The following ANKRD30B variants were observed in gnomAD, a reference collection of about 807,000 sequenced individuals.
The protein encoded by ANKRD30B is ankyrin repeat domain 30B, also known as ankyrin repeat domain-containing protein 30B.
A neutral mutation model predicts 202.2 loss-of-function variants in ANKRD30B; 144 were observed. The ratio of observed to expected loss-of-function variants is 0.71; its 90% CI spans 0.62 to 0.82. The LOEUF is 0.82. Among genes scored for constraint, ANKRD30B ranks in the 40% least tolerant of loss-of-function variants. The pLI, the probability that ANKRD30B is intolerant of heterozygous loss-of-function variation, is 0.00. For missense variants in ANKRD30B, 1,487 were observed against 1,669.1 expected (o/e 0.89, Z 1.90); for synonymous variants, 508 against 561.3 (o/e 0.91, Z 1.34).
chr18:14,820,985 T>C (rs1173838774), intron 30 of ANKRD30B, among the ~76,000 whole-genome samples: 3 of 152,188 alleles, frequency 2.0e-5, no homozygotes, highest in Non-Finnish European at 4.4e-5. Context: ...TGTGAATCCA[T>C]CTGGTCCTGG....
the ANKRD30B span, among the ~76,000 whole-genome samples, chr18:14,883,116 C>T: frequency 1.3e-5 from 2 of 152,020 alleles, no homozygotes; most frequent in Non-Finnish European, 2.9e-5. Context: ...TAAGCCCTTT[C>T]AAGGTGTTTA....
the ANKRD30B span, among the ~76,000 whole-genome samples, chr18:14,881,520 C>T: frequency 6.6e-6 from 1 of 152,094 alleles, no homozygotes; most frequent in East Asian, 1.9e-4. Context: ...CTGTGTTCAT[C>T]AAGGATATTG....
chr18:14,755,475 TG>T (rs1406572208), intron 4 of ANKRD30B, among the ~76,000 whole-genome samples: 1 of 152,128 alleles, frequency 6.6e-6, no homozygotes, highest in African/African-American at 2.4e-5. Context: ...TGTATACGTG[TG>T]CCATGTTGGT....
At chr18:14,840,166 T>G (rs1165386537) in intron 36 of ANKRD30B, among the ~76,000 whole-genome samples, 2 of 152,204 alleles carry the variant, frequency 1.3e-5, no homozygotes, top group Non-Finnish European at 2.9e-5. Flanking sequence ...TCTAATTGCC[T>G]TTAAAGTTAA....
the ANKRD30B span, among the ~76,000 whole-genome samples, chr18:14,885,897 C>A: frequency 6.6e-6 from 1 of 151,618 alleles, no homozygotes; most frequent in Non-Finnish European, 1.5e-5. Flanking sequence ...TTTTTCCTTT[C>A]TAATTGTTAG....
chr18:14,843,504 G>A lies in ANKRD30B; in HGVS notation c.3181+408G>A, dbSNP rs532049651. ...ACATTGGTTACCTCATGGGACTGTA[G>A]TCATTTGAAGCATCCTAAGGAAATC... On this transcript the variant is annotated intron_variant, in intron 39 of 43. Coordinates refer to ENST00000690538, the MANE Select transcript of ANKRD30B (RefSeq NM_001367607.2). 7.6e-4 allele frequency among the ~76,000 whole-genome samples: 114 copies of A among 150,684 alleles called. 1 individual carries two copies. The highest frequency in any genetic ancestry group is 2.6e-3 in the African/African-American group (108 of 41,066).
chr18:14,749,839 TTA>T (rs1255186322), intron 1 of ANKRD30B, among the ~76,000 whole-genome samples: 13 of 152,010 alleles, frequency 8.6e-5, no homozygotes, highest in Non-Finnish European at 1.5e-4. Flanking sequence ...TGGAAAAGAA[TTA>T]GTTTCATAAT....
chr18:14,855,273 C>A (rs986536556), downstream of ANKRD30B, among the ~76,000 whole-genome samples: 2 of 152,212 alleles, frequency 1.3e-5, no homozygotes, highest in Admixed American at 1.3e-4. Flanking sequence ...TCTCTTAGTA[C>A]AGAAGAAAAT....
intron 6 of ANKRD30B, among the ~76,000 whole-genome samples, chr18:14,761,782 G>C (rs1915300493): frequency 6.6e-6 from 1 of 152,046 alleles, no homozygotes; most frequent in African/African-American, 2.4e-5. Flanking sequence ...GAACTTCTGG[G>C]CTTTATTTAA....
At chr18:14,815,451 G>A (rs566396572) in intron 30 of ANKRD30B, among the ~76,000 whole-genome samples, 227 of 152,266 alleles carry the variant, frequency 1.5e-3, no homozygotes, top group African/African-American at 5.2e-3. Context: ...GTGGTCCTTG[G>A]ACCTCAGACT....
the ANKRD30B span, among the ~76,000 whole-genome samples, chr18:14,911,567 C>T: frequency 6.6e-6 from 1 of 151,760 alleles, no homozygotes; most frequent in African/African-American, 2.4e-5. Context: ...GTGATGCCTC[C>T]TCCTTTGTTC....
downstream of ANKRD30B, among the ~76,000 whole-genome samples, chr18:14,858,195 CG>C (rs1158570725): frequency 0.011 from 556 of 50,276 alleles, no homozygotes; most frequent in Admixed American, 0.016. Context: ...CCAGATGGGG[CG>C]GCCGGGCAGA....
At chr18:14,912,727 G>T in the ANKRD30B span, among the ~76,000 whole-genome samples, 1 of 152,192 alleles carries the variant, frequency 6.6e-6, no homozygotes, top group Non-Finnish European at 1.5e-5. Flanking sequence ...TAATTAAGCT[G>T]TGAGCCCATC....
the ANKRD30B span, among the ~76,000 whole-genome samples, chr18:14,934,641 C>A: frequency 6.6e-6 from 1 of 152,114 alleles, no homozygotes; most frequent in Admixed American, 6.5e-5. Flanking sequence ...GGTATCCATG[C>A]CAGGCTAGGG....
intron 9 of ANKRD30B, among the ~76,000 whole-genome samples, chr18:14,773,271 G>T (rs1967129809): frequency 1.3e-5 from 2 of 151,922 alleles, no homozygotes; most frequent in Admixed American, 1.3e-4. Context: ...AATCATTTTG[G>T]AGCTCTTGCA....
downstream of ANKRD30B, among the ~76,000 whole-genome samples, chr18:14,855,781 T>A (rs533628596): frequency 2.7e-3 from 317 of 117,326 alleles, no homozygotes; most frequent in African/African-American, 1.0e-2. Context: ...TCCCAGACAA[T>A]GGGCAGCCAG....
chr18:14,783,560 G>T (rs1416943998), intron 12 of ANKRD30B, among the ~76,000 whole-genome samples: 1 of 152,036 alleles, frequency 6.6e-6, no homozygotes, highest in Non-Finnish European at 1.5e-5. Context: ...CAGACAAATT[G>T]TAGGAACTAA....
the ANKRD30B span, among the ~76,000 whole-genome samples, chr18:14,908,542 C>G: frequency 9.9e-5 from 15 of 152,210 alleles, no homozygotes. Flanking sequence ...CTCACTGTGC[C>G]TGCCAGCCCC....
chr18:14,766,866 C>T (rs1733221982), intron 7 of ANKRD30B, among the ~76,000 whole-genome samples: 1 of 152,144 alleles, frequency 6.6e-6, no homozygotes, highest in Admixed American at 6.6e-5. Flanking sequence ...AGAGGAGTTA[C>T]TTTTAAATGT....
Sources: allele counts gnomAD v4.1 joint callset (sites outside exome capture counted in the v4.1 genomes callset), GRCh38; gene constraint gnomAD v4.1.1; transcripts MANE v1.5; gene names NCBI Gene and HGNC (gene_info 2026-07-23, HGNC 2026-07-21).